Variants in GUCD1 observed in about 807,000 individuals in gnomAD.
GUCD1 encodes protein GUCD1.
GUCD1 carries 17 observed loss-of-function variants against 28.3 expected under a neutral mutation model. The ratio of observed to expected loss-of-function variants is 0.60; its 90% CI spans 0.41 to 0.90. The LOEUF (loss-of-function observed/expected upper bound fraction) is 0.90. GUCD1 is among the 40% of genes least tolerant of loss of function. GUCD1 has a pLI of 0.00. For missense variants in GUCD1, 279 were observed against 305.5 expected, an observed-to-expected ratio of 0.91 and a Z score of 0.65; for synonymous variants, 129 against 123.3, an observed-to-expected ratio of 1.05 and a Z score of -0.30.
In GUCD1 at chr22:24,540,481, A is replaced by T. The variant is rs2044564479; in HGVS notation, c.*2525T>A. 3 of 152,254 alleles carry T rather than the reference A, an allele frequency of 2.0e-5. No homozygotes were observed. Among genetic ancestry groups the T allele is most frequent in the Admixed American group, 2.0e-4 (3 of 15,284 alleles). 9.4% of individuals were successfully genotyped at this position (152,254 alleles called of 1,614,324 possible). On this transcript the variant is annotated 3_prime_UTR_variant, in exon 6 of 6. Coordinates refer to ENST00000435822, the MANE Select transcript of GUCD1 (RefSeq NM_001284254.2). ...GTTTATTGAGAATGGCTCATTACAA[A>T]CAAAATATATATAAAATCTCTGCAA... is the stretch of plus-strand genomic sequence containing the variant.
intron 5 of GUCD1, 130 bp downstream of exon 5, chr22:24,543,712 G>A: frequency 1.7e-6 from 2 of 1,196,948 alleles, no homozygotes. Flanking sequence ...GGAGGAGCAG[G>A]GGCTTTGGGG....
At chr22:24,543,145 G>T in intron 5 of GUCD1, 48 bp from the exon 6 acceptor site, 1 of 1,332,142 alleles carries the variant, frequency 7.5e-7, no homozygotes. Flanking sequence ...TTGTGAGAGA[G>T]CACCTACACC....
At chr22:24,548,188 C>G in intron 2 of GUCD1, 115 bp from the exon 3 acceptor site, 1 of 843,500 alleles carries the variant, frequency 1.2e-6, no homozygotes, top group Admixed American at 2.3e-5. Flanking sequence ...CAGAAGTCTC[C>G]CTCCTTCATC....
intron 4 of GUCD1, among the ~76,000 whole-genome samples, chr22:24,545,682 C>T (rs2044707534): frequency 1.3e-5 from 2 of 151,808 alleles, no homozygotes; most frequent in African/African-American, 2.4e-5. Flanking sequence ...CGGCTCACTG[C>T]AAGCTCCGCC....
intron 4 of GUCD1, among the ~76,000 whole-genome samples, chr22:24,546,082 C>T (rs1341162707): frequency 1.3e-5 from 2 of 152,082 alleles, no homozygotes; most frequent in Middle Eastern, 3.2e-3. Flanking sequence ...CTGCCTCAGC[C>T]TCCCGAGTAG....
chr22:24,555,741 G>T, upstream of GUCD1: 8 of 1,550,654 alleles, frequency 5.2e-6, no homozygotes, highest in Non-Finnish European at 7.0e-6. Flanking sequence ...CCTGTCCTTG[G>T]TGTGGGGTGC....
chr22:24,542,683 A>G lies in GUCD1; in HGVS notation c.*323T>C, dbSNP rs1261201680. ...CAGTCCTGCGGTCTGTGGGGAGACCATTGCCATGGATCTGGCTCAAAGGCA... is the reference window on the plus strand; with the variant it reads ...CAGTCCTGCGGTCTGTGGGGAGACCGTTGCCATGGATCTGGCTCAAAGGCA... On this transcript the variant is annotated 3_prime_UTR_variant, in exon 6 of 6. Coordinates refer to ENST00000435822, the MANE Select transcript of GUCD1 (RefSeq NM_001284254.2). The G allele has an allele frequency of 8.7e-6, 3 of 344,922 alleles. No individual in the cohort carries two copies. In the Admixed American group the frequency reaches 1.2e-4, roughly 14 times the overall value. The allele number at this position is 344,922 out of a possible 1,614,324, so 21.4% of individuals were successfully genotyped here.
At chr22:24,553,149 C>A (rs903624779) in intron 1 of GUCD1, among the ~76,000 whole-genome samples, 1 of 152,240 alleles carries the variant, frequency 6.6e-6, no homozygotes, top group Admixed American at 6.5e-5. Context: ...AGCAGCCACA[C>A]ACTGCCTTTT....
At chr22:24,546,799 T>G (rs972576098) in intron 4 of GUCD1, 115 bp downstream of exon 4, 13 of 925,462 alleles carry the variant, frequency 1.4e-5, no homozygotes, top group Admixed American at 7.5e-5. Context: ...TAGCCAGTTC[T>G]GCCTGGCTCC....
chr22:24,550,556 C>T (rs2044845021), intron 1 of GUCD1, among the ~76,000 whole-genome samples: 1 of 152,206 alleles, frequency 6.6e-6, no homozygotes, highest in Non-Finnish European at 1.5e-5. Context: ...AAAACCTTGC[C>T]CACATTGTTT....
chr22:24,544,040 G>A lies in GUCD1; in HGVS notation c.430C>T (p.His144Tyr). ...KDIQAHLAQGHVAIVLVNSGV... is the reference protein window; with the variant it reads ...KDIQAHLAQGYVAIVLVNSGV... ...GAGTTCACCAGCACGATGGCCACAT[G>A]GCCCTGAGCCAGGTGCGCCTGGATG... is the stretch of plus-strand genomic sequence containing the variant. Residue 144 changes from histidine to tyrosine, a missense_variant, in exon 5 of 6, where the codon CAT (histidine) becomes TAT (tyrosine). His to Tyr is a moderately conservative substitution (Grantham distance 83). Transcript: ENST00000435822. 6.2e-7 allele frequency: 1 copy of A among 1,613,752 alleles called. No individual in the cohort carries two copies. The highest frequency in any genetic ancestry group is 8.5e-7 in the Non-Finnish European group (1 of 1,179,780).
At position 24,543,779 on chromosome 22, in the gene GUCD1, C is replaced by T. The variant is rs1045333097; in HGVS notation, c.628+63G>A. On this transcript the variant is annotated intron_variant, in intron 5 of 5. Transcript: ENST00000435822. ...AGATTGAATGGGTGGGAACTGTGGG[C>T]ACTGGGCATACAGAACAGTGAATGT... is the stretch of plus-strand genomic sequence containing the variant. The T allele has an allele frequency of 7.0e-5, 111 of 1,578,066 alleles. No homozygotes were observed. In the African/African-American group the frequency reaches 1.1e-3, roughly 16 times the overall value.
rs375681119 is a variant in GUCD1 at position 24,547,956 on chromosome 22, G to A, written c.246C>T (p.His82=). 11 of 1,614,198 alleles carry A rather than the reference G, an allele frequency of 6.8e-6. No individual in the cohort carries two copies. The highest frequency in any genetic ancestry group is 9.3e-6 in the Non-Finnish European group (11 of 1,180,018). The change falls in exon 3 of 6, where the codon CAC becomes CAT. Residue 82 remains histidine (H), a synonymous_variant. Coordinates refer to ENST00000435822, the MANE Select transcript of GUCD1 (RefSeq NM_001284254.2). ...CACCCAGGGTCTGGGTACAGAAGCG[G>A]TGCCTCACGCCAAAGTGGTGCATCA... ...AYLMHHFGVR[H]RFCTQTLGVD...
At position 24,547,891 on chromosome 22, in the gene GUCD1, G is replaced by C. The variant is rs1475772270; in HGVS notation, c.294+17C>G. ...TGTGTGGCCCCACATGGGAAGGCCT[G>C]GTGGCTGGTCGCTCACCTGGTTCTT... On this transcript the variant is annotated intron_variant, in intron 3 of 5. Transcript: ENST00000435822. The C allele has an allele frequency of 6.8e-6, 11 of 1,613,410 alleles. No homozygotes were observed. Among genetic ancestry groups the C allele is most frequent in the Non-Finnish European group, 9.3e-6 (11 of 1,179,688 alleles).
At chr22:24,555,371 C>T (rs1023955746), upstream of GUCD1, 3 of 1,318,106 alleles carry the variant, frequency 2.3e-6, no homozygotes, top group East Asian at 2.6e-5. Context: ...TTTCTTTGAG[C>T]CCCGCCCCAA....
Position 24,542,301 on chromosome 22 carries a change from G to C in GUCD1, c.*705C>G, listed in dbSNP as rs1037169365. 1 of 152,298 alleles carries C rather than the reference G, an allele frequency of 6.6e-6. No individual in the cohort carries two copies. Among genetic ancestry groups the C allele is most frequent in the Admixed American group, 6.5e-5 (1 of 15,282 alleles). 9.4% of individuals were successfully genotyped at this position (152,298 alleles called of 1,614,324 possible). ...GCTGCCAGCCACGAGGCCTACCAGT[G>C]GGATCTAGGCCCGAGAGCCCTCCAT... On this transcript the variant is annotated 3_prime_UTR_variant, in exon 6 of 6. Transcript: ENST00000435822.
rs1239275359 is a variant in GUCD1, at chr22:24,541,247, CAG to C, written c.*1757_*1758del. ...CCTAAACAGAGCCCACCTCTGCCCC[CAG>C]AGTCATCTGTGCTCCAAAGCAATGG... On this transcript the variant is annotated 3_prime_UTR_variant, in exon 6 of 6. Coordinates refer to ENST00000435822, the MANE Select transcript of GUCD1 (RefSeq NM_001284254.2). 6.5e-6 allele frequency: 1 copy of C among 153,990 alleles called. No individual in the cohort carries two copies. The highest frequency in any genetic ancestry group is 1.5e-5 in the Non-Finnish European group (1 of 68,278). 9.5% of individuals were successfully genotyped at this position (153,990 alleles called of 1,614,324 possible).
upstream of GUCD1, chr22:24,555,751 C>T: frequency 6.4e-7 from 1 of 1,550,610 alleles, no homozygotes; most frequent in Non-Finnish European, 8.7e-7. Context: ...GTGTGGGGTG[C>T]TTGGAAGTGT....
At chr22:24,543,743 C>T in intron 5 of GUCD1, 99 bp downstream of exon 5, 1 of 1,465,068 alleles carries the variant, frequency 6.8e-7, no homozygotes, top group Non-Finnish European at 9.4e-7. Flanking sequence ...GAGGGAGGCC[C>T]TGGCCACACT....
Sources: gnomAD v4.1 joint callset for allele counts (sites outside exome capture counted in the v4.1 genomes callset) on GRCh38, gnomAD v4.1.1 for gene constraint, MANE v1.5 for transcripts, NCBI Gene and HGNC (gene_info 2026-07-23, HGNC 2026-07-21) for gene names.